The following DNAH7 variants were observed in gnomAD, a reference collection of about 807,000 sequenced individuals.
The protein encoded by DNAH7 is dynein axonemal heavy chain 7.
In DNAH7, 397 loss-of-function variants were observed where a neutral mutation model predicts 444.6. The observed-to-expected ratio is 0.89, with a 90% CI of 0.82 to 0.97. The LOEUF (loss-of-function observed/expected upper bound fraction) is 0.97, where lower values mean the gene tolerates loss of function less well. Ranked by LOEUF, DNAH7 falls within the 50% of genes least tolerant of loss-of-function variation. DNAH7 has a pLI of 0.00. For missense variants in DNAH7, 4,902 were observed against 4,800.8 expected, an observed-to-expected ratio of 1.02 and a Z score of -0.62; for synonymous variants, 1,636 against 1,624.4, an observed-to-expected ratio of 1.01 and a Z score of -0.17.
At chr2:195,771,994 T>C in intron 60 of DNAH7, 104 bp from the exon 61 acceptor site, 1 of 937,810 alleles carries the variant, frequency 1.1e-6, no homozygotes, top group Non-Finnish European at 1.7e-6. Context: ...AACATTGCTC[T>C]CTATTTTATC....
rs188334289 is a variant in DNAH7, at chr2:195,857,385, T to C, written c.8406A>G (p.Ser2802=). ...TTTTTATCAGCACTTACTTATCATA[T>C]GAATCCATTGCTATGACCCATTTGC... is the stretch of plus-strand genomic sequence containing the variant. ...GLCKWVIAMD[S]YDKVAKIVAP... Residue 2802 remains serine, a synonymous_variant, in exon 44 of 65, where the codon TCA becomes TCG. Transcript: ENST00000312428. 1.3e-4 allele frequency: 202 copies of C among 1,572,312 alleles called. 1 individual carries two copies. The highest frequency in any genetic ancestry group is 3.3e-5 in the Non-Finnish European group (39 of 1,165,070).
At chr2:195,805,067 T>C (rs1696645910) in intron 54 of DNAH7, among the ~76,000 whole-genome samples, 1 of 152,136 alleles carries the variant, frequency 6.6e-6, no homozygotes, top group African/African-American at 2.4e-5. Flanking sequence ...CTCCCTCGAA[T>C]ATACTTTAAA....
chr2:195,910,020 T>C lies in DNAH7; in HGVS notation c.4104+7A>G. 1.9e-6 allele frequency: 3 copies of C among 1,610,570 alleles called. No homozygotes were observed. The highest frequency in any genetic ancestry group is 2.5e-6 in the Non-Finnish European group (3 of 1,178,080). ...CTGTTGTAAAGAAATGAGGAGTTAA[T>C]TCAAACCTTAAAGAATTTTCCCAAA... is the stretch of plus-strand genomic sequence containing the variant. On this transcript the variant is annotated splice_region_variant and intron_variant, in intron 25 of 64. Transcript: ENST00000312428.
At chr2:195,906,214 G>T (rs1386723597) in intron 27 of DNAH7, among the ~76,000 whole-genome samples, 1 of 151,878 alleles carries the variant, frequency 6.6e-6, no homozygotes, top group Non-Finnish European at 1.5e-5. Flanking sequence ...TCTATATTTT[G>T]TAATTTTTCA....
Position 195,934,702 on chromosome 2 carries a change from G to A in DNAH7, c.3360C>T (p.Ser1120=), listed in dbSNP as rs199987634. Residue 1120 remains serine, a synonymous_variant, in exon 21 of 65, where the codon AGC becomes AGT. Coordinates refer to ENST00000312428, the MANE Select transcript of DNAH7 (RefSeq NM_018897.3). Reference sequence around the variant, plus strand: ...CTATGAGTTCTACAACCTCTCCTTCGCTGCTCTTCATGTGAGTAATGTCTA... The same window carrying A: ...CTATGAGTTCTACAACCTCTCCTTCACTGCTCTTCATGTGAGTAATGTCTA... ...ETLDITHMKS[S]EGEVVELIEI... The A allele has an allele frequency of 2.2e-5, 36 of 1,613,832 alleles. 1 individual carries two copies. The highest frequency in any genetic ancestry group is 2.1e-4 in the South Asian group (19 of 91,076).
At chr2:195,775,098 T>C (rs550600694) in intron 60 of DNAH7, among the ~76,000 whole-genome samples, 2 of 152,354 alleles carry the variant, frequency 1.3e-5, no homozygotes, top group East Asian at 3.9e-4. Flanking sequence ...TCTGTAGTTC[T>C]GGTCTCTTTA....
At chr2:195,923,830 AT>A in intron 22 of DNAH7, 23 bp from the exon 23 acceptor site, 1 of 1,601,080 alleles carries the variant, frequency 6.2e-7, no homozygotes, top group Non-Finnish European at 8.6e-7. Context: ...AAAATAAGAT[AT>A]GATTTCCCAA....
chr2:195,923,512 T>G, intron 23 of DNAH7, 83 bp downstream of exon 23: 1 of 1,324,834 alleles, frequency 7.5e-7, no homozygotes, highest in Non-Finnish European at 1.1e-6. Flanking sequence ...ACTGCTACTA[T>G]TTCCCATGTG....
intron 6 of DNAH7, among the ~76,000 whole-genome samples, chr2:196,027,292 TA>T (rs1695749391): frequency 6.6e-6 from 1 of 151,948 alleles, no homozygotes; most frequent in Non-Finnish European, 1.5e-5. Flanking sequence ...AAGTAGATCT[TA>T]AAAGCTGTAA....
At chr2:195,961,025 T>A in intron 17 of DNAH7, 80 bp from the exon 18 acceptor site, 1 of 1,227,954 alleles carries the variant, frequency 8.1e-7, no homozygotes, top group Non-Finnish European at 1.1e-6. Context: ...AATATCTATT[T>A]CAAATGTGAG....
intron 24 of DNAH7, among the ~76,000 whole-genome samples, chr2:195,919,581 A>G (rs1687897346): frequency 6.6e-6 from 1 of 152,118 alleles, no homozygotes; most frequent in Non-Finnish European, 1.5e-5. Flanking sequence ...CTGGGCTCAA[A>G]TGATCCATCC....
chr2:195,864,109 A>C (rs779777305), intron 41 of DNAH7, 40 bp downstream of exon 41: 13 of 1,582,222 alleles, frequency 8.2e-6, no homozygotes, highest in Non-Finnish European at 1.0e-5. Context: ...GTGGAAATTC[A>C]ACATTTCTAG....
intron 46 of DNAH7, among the ~76,000 whole-genome samples, chr2:195,851,710 G>A (rs1313747776): frequency 6.6e-6 from 1 of 152,276 alleles, no homozygotes; most frequent in African/African-American, 2.4e-5. Flanking sequence ...TGGGTAAAGT[G>A]GATTCTGCTA....
chr2:195,740,603 G>A (rs200340816), intron 64 of DNAH7, among the ~76,000 whole-genome samples, 163 bp downstream of exon 64: 3,548 of 51,804 alleles, frequency 0.068, 71 homozygotes, highest in African/African-American at 0.094. Context: ...GTGTGTGTGT[G>A]TGTGTGTGTG....
Position 195,960,938 on chromosome 2 carries a change from T to C in DNAH7, c.2213A>G (p.Gln738Arg), listed in dbSNP as rs1226904175. Reference sequence around the variant, plus strand: ...AAATGCTTCCTCTTCAGCATTAAACTGCTCAATCTGAAAGGATAAGTATTG... The same window carrying C: ...AAATGCTTCCTCTTCAGCATTAAACCGCTCAATCTGAAAGGATAAGTATTG... ...KLDLAADKIE[Q>R]FNAEEEAFGW... Residue 738 changes from glutamine (Q) to arginine (R), a missense_variant, in exon 18 of 65, where the codon CAG (glutamine) becomes CGG (arginine). Transcript: ENST00000312428. 2 of 1,583,766 alleles carry C rather than the reference T, an allele frequency of 1.3e-6. No homozygotes were observed. The highest frequency in any genetic ancestry group is 1.7e-6 in the Non-Finnish European group (2 of 1,164,038).
intron 36 of DNAH7, among the ~76,000 whole-genome samples, chr2:195,880,378 G>C (rs1326422382): frequency 6.7e-6 from 1 of 148,896 alleles, no homozygotes. Flanking sequence ...GCCCAGGCTG[G>C]CGTGCAGTGG....
rs13394999 is a variant in DNAH7 at position 195,907,609 on chromosome 2, T to C, written c.4105-600A>G. The stretch of plus-strand genomic sequence containing the variant: ...CTGAACATACATTTTATAGATTGTG[T>C]GTGTGCATGCAAGCACACACATGCA... On this transcript the variant is annotated intron_variant, in intron 25 of 64. Coordinates refer to ENST00000312428, the MANE Select transcript of DNAH7 (RefSeq NM_018897.3). Among the ~76,000 whole-genome samples the C allele has an allele frequency of 1.5e-3, 213 of 146,494 alleles. 2 individuals carry two copies. The highest frequency in any genetic ancestry group is 5.0e-3 in the African/African-American group (207 of 41,172).
intron 22 of DNAH7, 66 bp downstream of exon 22, chr2:195,926,360 G>C: frequency 7.8e-7 from 1 of 1,286,064 alleles, no homozygotes; most frequent in Admixed American, 3.0e-5. Context: ...TTTAAAATAA[G>C]TGTATTCTGG....
intron 36 of DNAH7, among the ~76,000 whole-genome samples, chr2:195,877,793 G>A (rs1215297075): frequency 6.6e-6 from 1 of 152,170 alleles, no homozygotes; most frequent in African/African-American, 2.4e-5. Context: ...CCCAGCAGGA[G>A]CTACCTTTTT....
Sources: gnomAD v4.1 joint callset for allele counts (sites outside exome capture counted in the v4.1 genomes callset) on GRCh38, gnomAD v4.1.1 for gene constraint, MANE v1.5 for transcripts, NCBI Gene and HGNC (gene_info 2026-07-23, HGNC 2026-07-21) for gene names.